Variants in SRPK2 observed in about 807,000 individuals in gnomAD.
The protein encoded by SRPK2 is SRSF protein kinase 2.
Under a neutral mutation model 90.8 loss-of-function variants are expected in SRPK2, and 21 were observed. That is an observed-to-expected ratio of 0.23 (90% CI 0.16 to 0.33). The LOEUF (loss-of-function observed/expected upper bound fraction) is 0.33, where lower values mean the gene tolerates loss of function less well. Among genes scored for constraint, SRPK2 ranks in the 10% least tolerant of loss-of-function variants. The pLI is 1.00. For synonymous variants in SRPK2, 288 were observed against 311.1 expected, an observed-to-expected ratio of 0.93 and a Z score of 0.78; for missense variants, 620 against 869.0, an observed-to-expected ratio of 0.71 and a Z score of 3.60.
intron 2 of SRPK2, among the ~76,000 whole-genome samples, chr7:105,379,004 A>C (rs1820626277): frequency 6.6e-6 from 1 of 152,116 alleles, no homozygotes; most frequent in Non-Finnish European, 1.5e-5. Context: ...AAAAAATTTT[A>C]AAATCAGCTG....
chr7:105,242,562 G>T (rs573580749), intron 2 of SRPK2, among the ~76,000 whole-genome samples: 31 of 152,248 alleles, frequency 2.0e-4, no homozygotes, highest in Non-Finnish European at 4.1e-4. Context: ...AGCAAAGGCA[G>T]ATAAAACTCG....
At chr7:105,266,316 T>G (rs1459773621) in intron 2 of SRPK2, among the ~76,000 whole-genome samples, 3 of 152,176 alleles carry the variant, frequency 2.0e-5, no homozygotes, top group Non-Finnish European at 4.4e-5. Flanking sequence ...CTTGCAAGAC[T>G]AGCAATTCTT....
At chr7:105,331,322 A>AC (rs1814326650) in intron 2 of SRPK2, among the ~76,000 whole-genome samples, 3 of 133,750 alleles carry the variant, frequency 2.2e-5, no homozygotes, top group African/African-American at 5.1e-5. Flanking sequence ...AAAAAAAAAA[A>AC]AAAAAAAAAA....
Position 105,362,588 on chromosome 7 carries a change from A to C in SRPK2, c.71+26060T>G, listed in dbSNP as rs201117777. On this transcript the variant is annotated intron_variant, in intron 2 of 15. Coordinates refer to ENST00000393651, the MANE Select transcript of SRPK2 (RefSeq NM_182692.3). ...ATGTGGAGAAATAGGAACACTTTTA[A>C]ACTGTTGGTGGGACTGTAAACTAGT... Among the ~76,000 whole-genome samples the C allele has an allele frequency of 2.2e-4, 33 of 151,948 alleles. No individual in the cohort carries two copies. In the South Asian group the frequency reaches 2.7e-3, roughly 12 times the overall value.
At chr7:105,141,468 T>C (rs1369553908) in intron 11 of SRPK2, among the ~76,000 whole-genome samples, 1 of 152,238 alleles carries the variant, frequency 6.6e-6, no homozygotes, top group Non-Finnish European at 1.5e-5. Context: ...AGAGCCAATC[T>C]ATAATCTGTC....
rs115823860 is a variant in SRPK2, at chr7:105,121,792, A to G, written c.1916-3770T>C. ...TCTAAGGAAACAGGGAAGTTCTATTATACTTCTCTTGAATCTTAAAGTGGT... is the reference window on the plus strand; with the variant it reads ...TCTAAGGAAACAGGGAAGTTCTATTGTACTTCTCTTGAATCTTAAAGTGGT... On this transcript the variant is annotated intron_variant, in intron 15 of 15. Transcript: ENST00000393651. 5.4e-3 allele frequency among the ~76,000 whole-genome samples: 830 copies of G among 152,318 alleles called. 8 individuals carry two copies. The highest frequency in any genetic ancestry group is 0.019 in the African/African-American group (772 of 41,574).
chr7:105,240,920 T>C (rs185278261), intron 2 of SRPK2, among the ~76,000 whole-genome samples: 200 of 152,342 alleles, frequency 1.3e-3, no homozygotes, highest in Non-Finnish European at 2.2e-3. Context: ...GCCTGCAATG[T>C]TTTATTGTTA....
chr7:105,301,056 A>C (rs2131249152), intron 2 of SRPK2, among the ~76,000 whole-genome samples: 1 of 152,288 alleles, frequency 6.6e-6, no homozygotes, highest in South Asian at 2.1e-4. Flanking sequence ...CACTATAAAG[A>C]CACATGCACA....
intron 2 of SRPK2, chr7:105,332,986 G>C (rs561693553): frequency 1.3e-5 from 2 of 152,250 alleles, no homozygotes; most frequent in African/African-American, 4.8e-5. Context: ...ACGAGGTCAG[G>C]ACTTGGAGAC....
At chr7:105,314,680 G>C (rs536352941) in intron 2 of SRPK2, among the ~76,000 whole-genome samples, 1 of 152,152 alleles carries the variant, frequency 6.6e-6, no homozygotes, top group Non-Finnish European at 1.5e-5. Context: ...CACCATGCCC[G>C]GCCCAAAACA....
chr7:105,397,275 G>A lies in SRPK2; in HGVS notation n.153+1881C>T, dbSNP rs528984423. The stretch of plus-strand genomic sequence containing the variant: ...TCGTGATCCACCCGCCTCGGCCTAC[G>A]AAAGTGCTGGGATTAAAGGCATGAG... On this transcript the variant is annotated intron_variant and non_coding_transcript_variant, in intron 1 of 3. Transcript: ENST00000462282. 7.9e-5 allele frequency among the ~76,000 whole-genome samples: 12 copies of A among 151,478 alleles called. 1 individual carries two copies. The South Asian group carries it at 1.9e-3, about 24-fold the overall frequency.
At chr7:105,377,129 T>A (rs922141481) in intron 2 of SRPK2, among the ~76,000 whole-genome samples, 1 of 152,124 alleles carries the variant, frequency 6.6e-6, no homozygotes, top group Non-Finnish European at 1.5e-5. Flanking sequence ...AGACTAACAC[T>A]GCTGACCACG....
chr7:105,193,830 T>C (rs1284012135), intron 3 of SRPK2, among the ~76,000 whole-genome samples: 4 of 152,230 alleles, frequency 2.6e-5, no homozygotes, highest in African/African-American at 4.8e-5. Flanking sequence ...AATCCAGATG[T>C]AACTAGCTAC....
rs190362299 is a variant in SRPK2 at position 105,220,319 on chromosome 7, G to C, written c.72-16534C>G. Among the ~76,000 whole-genome samples the C allele has an allele frequency of 2.0e-5, 3 of 152,190 alleles. No individual in the cohort carries two copies. In the South Asian group the frequency reaches 6.2e-4, roughly 32 times the overall value. ...GGAGGCGGGCAGATCACAGGGTCAA[G>C]AGATCGATACCAGCCTGGCCAACAT... On this transcript the variant is annotated intron_variant, in intron 2 of 15. Transcript: ENST00000393651.
intron 3 of SRPK2, among the ~76,000 whole-genome samples, chr7:105,184,139 C>G (rs1793265691): frequency 6.6e-6 from 1 of 151,480 alleles, no homozygotes; most frequent in African/African-American, 2.4e-5. Context: ...CCACACCTGG[C>G]TAATTTTTTT....
intron 3 of SRPK2, among the ~76,000 whole-genome samples, chr7:105,170,959 G>GAA (rs1418572722): frequency 3.0e-5 from 1 of 33,572 alleles, no homozygotes; most frequent in Non-Finnish European, 8.0e-5. Flanking sequence ...AAGAAAGAAA[G>GAA]AAAGAAAGAG....
intron 13 of SRPK2, 86 bp downstream of exon 13, chr7:105,132,705 G>T: frequency 9.3e-7 from 1 of 1,079,416 alleles, no homozygotes; most frequent in Non-Finnish European, 1.3e-6. Flanking sequence ...AACTGAGGTC[G>T]CATGCCTCAG....
At chr7:105,291,720 AT>A (rs542482867) in intron 2 of SRPK2, among the ~76,000 whole-genome samples, 5 of 152,086 alleles carry the variant, frequency 3.3e-5, no homozygotes, top group African/African-American at 1.2e-4. Context: ...ACAGAACGAG[AT>A]TTTTTTTCAG....
At chr7:105,388,947 A>T (rs1388619301), upstream of SRPK2, 1 of 1,174,368 alleles carries the variant, frequency 8.5e-7, no homozygotes, top group Non-Finnish European at 1.0e-6. Context: ...CCGCCGCTCC[A>T]GCAGGGACCC....
Sources: gnomAD v4.1 joint callset for allele counts (sites outside exome capture counted in the v4.1 genomes callset) on GRCh38, gnomAD v4.1.1 for gene constraint, MANE v1.5 for transcripts, NCBI Gene and HGNC (gene_info 2026-07-23, HGNC 2026-07-21) for gene names.